The following RASGRF2 variants were observed in gnomAD, a reference collection of about 807,000 sequenced individuals.
RASGRF2 encodes the protein ras-specific guanine nucleotide-releasing factor 2.
Under a neutral mutation model 151.0 loss-of-function variants are expected in RASGRF2, and 76 were observed. The ratio of observed to expected loss-of-function variants is 0.50; its 90% CI spans 0.42 to 0.61. RASGRF2 has a LOEUF of 0.61. RASGRF2 is among the 20% of genes least tolerant of loss of function. The pLI is 0.00. For missense variants in RASGRF2, 1,148 were observed against 1,564.6 expected, an observed-to-expected ratio of 0.73 and a Z score of 4.49; for synonymous variants, 504 against 566.5, an observed-to-expected ratio of 0.89 and a Z score of 1.57.
At chr5:81,157,884 A>T in intron 17 of RASGRF2, among the ~76,000 whole-genome samples, 1 of 152,208 alleles carries the variant, frequency 6.6e-6, no homozygotes, top group East Asian at 1.9e-4. Context: ...TGGGGATTAC[A>T]ATTCAAGATG....
chr5:80,979,357 G>T (rs1426381087), intron 1 of RASGRF2, among the ~76,000 whole-genome samples: 1 of 152,134 alleles, frequency 6.6e-6, no homozygotes, highest in East Asian at 1.9e-4. Context: ...AAGTTTAAGT[G>T]CATTTTGGTG....
intron 1 of RASGRF2, among the ~76,000 whole-genome samples, chr5:81,040,644 C>A (rs1250579044): frequency 6.6e-6 from 1 of 152,168 alleles, no homozygotes; most frequent in Non-Finnish European, 1.5e-5. Flanking sequence ...GGGCCAAGGC[C>A]CCCACCCCCT....
rs1038220413 is a variant in RASGRF2, at chr5:81,065,945, G to T, written c.396-2087G>T. ...ACCTTGGAAGCGCAGGGAGGGGGAC[G>T]TTGGTGATGAGTCTGTGTGAAGTCA... is the stretch of plus-strand genomic sequence containing the variant. On this transcript the variant is annotated intron_variant, in intron 2 of 26. Coordinates refer to ENST00000265080, the MANE Select transcript of RASGRF2 (RefSeq NM_006909.3). Among the ~76,000 whole-genome samples, 5 of 152,152 alleles carry T rather than the reference G, an allele frequency of 3.3e-5. 1 individual carries two copies. Among genetic ancestry groups the T allele is most frequent in the Admixed American group, 2.6e-4 (4 of 15,278 alleles).
At position 80,960,806 on chromosome 5, in the gene RASGRF2, G is replaced by A; in HGVS notation, c.68G>A (p.Gly23Asp). The A allele has an allele frequency of 6.2e-7, 1 of 1,613,468 alleles. No individual in the cohort carries two copies. The highest frequency in any genetic ancestry group is 8.5e-7 in the Non-Finnish European group (1 of 1,179,708). Residue 23 changes from glycine to aspartate, a missense_variant, in exon 1 of 27, where the codon GGC (glycine) becomes GAC (aspartate). Around this residue, in one of 5 missense-constraint regions of RASGRF2, gnomAD observed 221 missense variants for 271.3 expected, o/e 0.81. Transcript: ENST00000265080. This position sits in a 1 kb window ranked among gnomAD's most constrained non-coding sequence, Gnocchi z 5.5. ...CTGGCCTTTCTGGCGCGCAAGGAGG[G>A]CACCAAGCGCGGCTTCCTGAGTAAG... is the stretch of plus-strand genomic sequence containing the variant. ...LYLAFLARKEGTKRGFLSKKT... is the reference protein window; with the variant it reads ...LYLAFLARKEDTKRGFLSKKT...
intron 7 of RASGRF2, among the ~76,000 whole-genome samples, chr5:81,081,382 C>T (rs972715129): frequency 1.3e-5 from 2 of 152,216 alleles, no homozygotes; most frequent in Admixed American, 6.5e-5. Context: ...CAGGTGGCCG[C>T]AGGGGCTCCC....
At chr5:80,998,274 TC>T (rs1197224812) in intron 1 of RASGRF2, among the ~76,000 whole-genome samples, 5 of 152,216 alleles carry the variant, frequency 3.3e-5, no homozygotes, top group African/African-American at 4.8e-5. Flanking sequence ...ATTTCCTGTT[TC>T]ATCTACTTTC....
At chr5:81,180,345 G>T in intron 18 of RASGRF2, 64 bp downstream of exon 18, 1 of 1,033,202 alleles carries the variant, frequency 9.7e-7, no homozygotes, top group South Asian at 1.3e-5. Context: ...TTTAAGTTGT[G>T]ACACATGTAA....
chr5:81,083,291 G>GTTTTAT, intron 7 of RASGRF2, among the ~76,000 whole-genome samples: 1 of 144,092 alleles, frequency 6.9e-6, no homozygotes. Flanking sequence ...TTTTTTGCTG[G>GTTTTAT]AGGCCAACAG....
At chr5:80,970,213 T>C (rs1419501881) in intron 1 of RASGRF2, among the ~76,000 whole-genome samples, 1 of 152,236 alleles carries the variant, frequency 6.6e-6, no homozygotes, top group African/African-American at 2.4e-5. Context: ...AGCTGGTCAA[T>C]ATTATTTTAG....
intron 1 of RASGRF2, among the ~76,000 whole-genome samples, chr5:80,967,896 G>A (rs1747774487): frequency 6.6e-6 from 1 of 152,270 alleles, no homozygotes; most frequent in African/African-American, 2.4e-5. Context: ...TTTTAAGAAT[G>A]TAAGAATATC....
intron 12 of RASGRF2, among the ~76,000 whole-genome samples, chr5:81,102,725 G>A (rs1252457475): frequency 6.6e-6 from 1 of 151,620 alleles, no homozygotes; most frequent in East Asian, 1.9e-4. Flanking sequence ...ATGTGTCTGT[G>A]GCCTACATAT....
chr5:81,160,360 G>A (rs1458282592), intron 17 of RASGRF2, among the ~76,000 whole-genome samples: 1 of 152,160 alleles, frequency 6.6e-6, no homozygotes, highest in East Asian at 1.9e-4. Context: ...GATGGAGGTT[G>A]CAGTGAGCCA....
intron 2 of RASGRF2, among the ~76,000 whole-genome samples, chr5:81,065,469 G>C (rs1484840967): frequency 1.3e-5 from 2 of 152,096 alleles, no homozygotes; most frequent in South Asian, 2.1e-4. Flanking sequence ...CTTTAGGAAG[G>C]TGCCACCCTT....
chr5:81,001,068 TAGTTAAGA>T (rs1432231692), intron 1 of RASGRF2, among the ~76,000 whole-genome samples: 1 of 152,200 alleles, frequency 6.6e-6, no homozygotes, highest in African/African-American at 2.4e-5. Context: ...CATGCAGTCT[TAGTTAAGA>T]AGTTAAGAAG....
At chr5:81,177,336 T>C (rs568907812) in intron 17 of RASGRF2, among the ~76,000 whole-genome samples, 1 of 152,218 alleles carries the variant, frequency 6.6e-6, no homozygotes, top group African/African-American at 2.4e-5. Flanking sequence ...AAATGTCCAC[T>C]GGTGGGTGGA....
At chr5:81,178,794 A>C (rs1754841940) in intron 17 of RASGRF2, among the ~76,000 whole-genome samples, 1 of 151,970 alleles carries the variant, frequency 6.6e-6, no homozygotes, top group South Asian at 2.1e-4. Context: ...GCTGGAGTGC[A>C]GTGGCGCCGT....
At chr5:81,166,178 T>C (rs1754502552) in intron 17 of RASGRF2, among the ~76,000 whole-genome samples, 1 of 152,068 alleles carries the variant, frequency 6.6e-6, no homozygotes, top group Non-Finnish European at 1.5e-5. Context: ...ACTTCTTTTT[T>C]TCTTTTCTTC....
intron 15 of RASGRF2, among the ~76,000 whole-genome samples, chr5:81,119,193 C>T (rs960489119): frequency 2.0e-5 from 3 of 152,190 alleles, no homozygotes; most frequent in Admixed American, 1.3e-4. Context: ...TTCAGGTATT[C>T]GTTATAGCAG....
At chr5:81,027,719 C>A (rs1299999889) in intron 1 of RASGRF2, among the ~76,000 whole-genome samples, 1 of 152,200 alleles carries the variant, frequency 6.6e-6, no homozygotes, top group Non-Finnish European at 1.5e-5. Flanking sequence ...TCTTGTCAGT[C>A]TAAAAGTGTA....
Sources: allele counts gnomAD v4.1 joint callset (sites outside exome capture counted in the v4.1 genomes callset), GRCh38; gene constraint gnomAD v4.1.1; regional missense constraint gnomAD v4.1.1; non-coding constraint Gnocchi (gnomAD v3.1); transcripts MANE v1.5; gene names NCBI Gene and HGNC (gene_info 2026-07-23, HGNC 2026-07-21).